IL4R: variants seen among roughly 807,000 people sequenced by gnomAD.
The protein encoded by IL4R is interleukin-4 receptor subunit alpha.
In IL4R, 17 loss-of-function variants were observed where a neutral mutation model predicts 41.5. The observed-to-expected ratio is 0.41, with a 90% CI of 0.28 to 0.61. IL4R has a LOEUF of 0.61. IL4R is among the 20% of genes least tolerant of loss of function. The pLI is 0.31. For missense variants in IL4R, 974 were observed against 1,043.1 expected, an observed-to-expected ratio of 0.93 and a Z score of 0.91; for synonymous variants, 402 against 422.9, an observed-to-expected ratio of 0.95 and a Z score of 0.61.
rs138295780 is a variant in IL4R, at chr16:27,359,196, A to T, written c.849+202A>T. Among the ~76,000 whole-genome samples, 1,083 of 152,304 alleles carry T rather than the reference A, an allele frequency of 7.1e-3. 18 individuals carry two copies. The highest frequency in any genetic ancestry group is 0.025 in the African/African-American group (1,025 of 41,566). On this transcript the variant is annotated intron_variant, in intron 9 of 10. Coordinates refer to ENST00000395762, the MANE Select transcript of IL4R (RefSeq NM_000418.4). ...TCCCGCCCTTCCCCTTGGCAATCCCAGCCTGGGGTGGGCTTCTCTGGGGTT... is the reference window on the plus strand; with the variant it reads ...TCCCGCCCTTCCCCTTGGCAATCCCTGCCTGGGGTGGGCTTCTCTGGGGTT...
chr16:27,328,099 A>G (rs2085010740), intron 1 of IL4R, among the ~76,000 whole-genome samples: 1 of 150,312 alleles, frequency 6.7e-6, no homozygotes, highest in African/African-American at 2.4e-5. Context: ...AGTCCCAGCT[A>G]CTCAGGAGGC....
At chr16:27,361,687 C>G (rs542630384) in intron 10 of IL4R, among the ~76,000 whole-genome samples, 169 of 150,324 alleles carry the variant, frequency 1.1e-3, no homozygotes, top group African/African-American at 3.9e-3. Context: ...TCACTGCAGC[C>G]TCAAACTCGT....
At chr16:27,315,133 T>C (rs1437331584) in intron 1 of IL4R, among the ~76,000 whole-genome samples, 3 of 152,184 alleles carry the variant, frequency 2.0e-5, no homozygotes, top group Non-Finnish European at 4.4e-5. Context: ...CATGACCCAC[T>C]GCACTTCCCT....
chr16:27,339,128 T>C (rs1210267201), intron 2 of IL4R, among the ~76,000 whole-genome samples: 1 of 152,102 alleles, frequency 6.6e-6, no homozygotes, highest in African/African-American at 2.4e-5. Context: ...GTGCTGGAAA[T>C]ACAGGTGTGA....
chr16:27,361,685 G>A (rs2086292890), intron 10 of IL4R, among the ~76,000 whole-genome samples: 1 of 147,288 alleles, frequency 6.8e-6, no homozygotes, highest in African/African-American at 2.5e-5. Context: ...ATTCACTGCA[G>A]CCTCAAACTC....
intron 8 of IL4R, among the ~76,000 whole-genome samples, chr16:27,357,892 G>C (rs554594910): frequency 3.2e-4 from 43 of 136,014 alleles, no homozygotes; most frequent in Admixed American, 1.8e-3. Context: ...CATTTCTTTC[G>C]TTTTTTTTTT....
chr16:27,342,326 TG>T (rs2085469693), intron 4 of IL4R, 67 bp downstream of exon 4: 3 of 1,589,630 alleles, frequency 1.9e-6, no homozygotes, highest in East Asian at 2.2e-5. Context: ...AAGAGTGAGC[TG>T]GGTCCAGGTG....
At chr16:27,350,553 A>C (rs1419113750) in intron 6 of IL4R, among the ~76,000 whole-genome samples, 3 of 152,052 alleles carry the variant, frequency 2.0e-5, no homozygotes, top group Non-Finnish European at 4.4e-5. Flanking sequence ...ACCAGGAAGA[A>C]ACTGCCGGGG....
At chr16:27,327,637 G>A (rs1300853719) in intron 1 of IL4R, among the ~76,000 whole-genome samples, 1 of 152,082 alleles carries the variant, frequency 6.6e-6, no homozygotes, top group African/African-American at 2.4e-5. Flanking sequence ...TTTGGGGACT[G>A]CATTTCAAGG....
In IL4R at chr16:27,343,682, C is replaced by T. The variant is rs982585526; in HGVS notation, c.210-1187C>T. On this transcript the variant is annotated intron_variant, in intron 4 of 10. Coordinates refer to ENST00000395762, the MANE Select transcript of IL4R (RefSeq NM_000418.4). ...AACTCAGGTGATCCACCCGCCTCAG[C>T]GTCCCAAAGTGCTGGGATTACAGGC... Among the ~76,000 whole-genome samples, 3 of 152,326 alleles carry T rather than the reference C, an allele frequency of 2.0e-5. No homozygotes were observed. The East Asian group carries it at 5.8e-4, about 29-fold the overall frequency.
chr16:27,358,476 T>A (rs530505972), intron 8 of IL4R, among the ~76,000 whole-genome samples: 9 of 152,330 alleles, frequency 5.9e-5, no homozygotes, highest in Admixed American at 4.6e-4. Flanking sequence ...GTCCCCCAGC[T>A]TCCCAGGCCA....
At chr16:27,315,795 A>G (rs11645013) in intron 1 of IL4R, among the ~76,000 whole-genome samples, 62,033 of 152,088 alleles carry the variant, frequency 0.41, 13,442 homozygotes, top group Non-Finnish European at 0.46. Flanking sequence ...AAAAGCAACA[A>G]TGCAGATTCC....
In IL4R at chr16:27,344,936, G is replaced by A. The variant is rs771717750; in HGVS notation, c.277G>A (p.Val93Met). 8.1e-6 allele frequency: 13 copies of A among 1,614,048 alleles called. No homozygotes were observed. The highest frequency in any genetic ancestry group is 6.6e-5 in the South Asian group (6 of 91,094). ...GCVCHLLMDD[V>M]VSADNYTLDL... ...CGTGTGCCACCTGCTCATGGATGAC[G>A]TGGTCAGTGCGGATAACTATACACT... is the stretch of plus-strand genomic sequence containing the variant. The change falls in exon 5 of 11, where the codon GTG becomes ATG. Residue 93 changes from valine to methionine, a missense_variant. Coordinates refer to ENST00000395762, the MANE Select transcript of IL4R (RefSeq NM_000418.4).
At chr16:27,344,829 C>A (rs1342765214) in intron 4 of IL4R, 40 bp from the exon 5 acceptor site, 2 of 1,608,834 alleles carry the variant, frequency 1.2e-6, no homozygotes. Context: ...GCCCAGCCAG[C>A]CTACAGGTGA....
intron 5 of IL4R, 55 bp from the exon 6 acceptor site, chr16:27,346,412 G>T: frequency 1.3e-6 from 2 of 1,596,796 alleles, no homozygotes; most frequent in Non-Finnish European, 1.7e-6. Flanking sequence ...GGGCTGGGCT[G>T]GGTGATGGGG....
chr16:27,324,533 G>A (rs1035073201), intron 1 of IL4R, among the ~76,000 whole-genome samples: 1 of 152,236 alleles, frequency 6.6e-6, no homozygotes, highest in African/African-American at 2.4e-5. Context: ...AGCTGGCCTT[G>A]CAGTAGGGGA....
At chr16:27,351,512 T>C (rs113739550) in intron 6 of IL4R, among the ~76,000 whole-genome samples, 26 of 22,834 alleles carry the variant, frequency 1.1e-3, no homozygotes, top group Admixed American at 3.1e-3. Flanking sequence ...CTCTCTCTCT[T>C]TTTTTTTTTT....
At position 27,336,441 on chromosome 16, in the gene IL4R, C is replaced by T. The variant is rs547502394; in HGVS notation, c.-18-3745C>T. ...CCTGTAATCCCAGCACTTTGGGAGACCAAGGTGGGCAGATCGCTTGAACTC... is the reference window on the plus strand; with the variant it reads ...CCTGTAATCCCAGCACTTTGGGAGATCAAGGTGGGCAGATCGCTTGAACTC... On this transcript the variant is annotated intron_variant, in intron 2 of 10. Transcript: ENST00000395762. Among the ~76,000 whole-genome samples, 53 of 151,504 alleles carry T rather than the reference C, an allele frequency of 3.5e-4. 1 individual carries two copies. The South Asian group carries it at 5.2e-3, about 15-fold the overall frequency.
intron 4 of IL4R, among the ~76,000 whole-genome samples, chr16:27,342,821 A>G (rs1001258551): frequency 2.0e-5 from 3 of 152,188 alleles, no homozygotes; most frequent in Non-Finnish European, 4.4e-5. Context: ...AAGTCCCAAC[A>G]ACATGCAAGC....
Sources: gnomAD v4.1 joint callset for allele counts (sites outside exome capture counted in the v4.1 genomes callset) on GRCh38, gnomAD v4.1.1 for gene constraint, MANE v1.5 for transcripts, NCBI Gene and HGNC (gene_info 2026-07-23, HGNC 2026-07-21) for gene names.